The following MGAT5 variants were observed in gnomAD, a reference collection of about 807,000 sequenced individuals.
MGAT5 encodes alpha-1,6-mannosylglycoprotein 6-beta-N-acetylglucosaminyltransferase A.
Under a neutral mutation model 94.3 loss-of-function variants are expected in MGAT5, and 30 were observed. The observed-to-expected ratio is 0.32, with a 90% CI of 0.24 to 0.43. The LOEUF is 0.43. MGAT5 is among the 20% of genes least tolerant of loss of function. MGAT5 has a pLI of 1.00. For synonymous variants in MGAT5, 310 were observed against 322.9 expected (o/e 0.96, Z 0.43); for missense variants, 691 against 905.5 (o/e 0.76, Z 3.04).
At chr2:134,368,147 C>T (rs1395210214) in intron 10 of MGAT5, among the ~76,000 whole-genome samples, 1 of 152,222 alleles carries the variant, frequency 6.6e-6, no homozygotes, top group Non-Finnish European at 1.5e-5. Flanking sequence ...TGCCACTACC[C>T]TGGAGGGAGT....
chr2:134,282,326 T>C (rs967929464), intron 2 of MGAT5, among the ~76,000 whole-genome samples: 2 of 152,138 alleles, frequency 1.3e-5, no homozygotes, highest in Non-Finnish European at 2.9e-5. Flanking sequence ...CACCTGGGGA[T>C]TAATTTAGCA....
chr2:134,412,993 T>C lies in MGAT5; in HGVS notation c.1655T>C (p.Ile552Thr), dbSNP rs1416354675. 6.2e-7 allele frequency: 1 copy of C among 1,614,084 alleles called. No individual in the cohort carries two copies. The highest frequency in any genetic ancestry group is 8.5e-7 in the Non-Finnish European group (1 of 1,180,024). ...PKSSKNTDFF[I>T]GKPTLRELTS... ...AGCAGCAAAAACACAGACTTTTTCA[T>C]TGGCAAGCCAACTCTGAGAGAGGTA... The change falls in exon 12 of 16, where the codon ATT becomes ACT. Residue 552 changes from isoleucine to threonine, a missense_variant. Physicochemically the swap from Ile to Thr is moderately conservative, Grantham distance 89. This residue lies in a region of MGAT5 where 260 missense variants were observed against 347.0 expected (regional missense o/e 0.75). Coordinates refer to ENST00000281923, the MANE Select transcript of MGAT5 (RefSeq NM_002410.5).
intron 12 of MGAT5, among the ~76,000 whole-genome samples, chr2:134,415,582 C>CT (rs1461076450): frequency 6.6e-6 from 1 of 152,178 alleles, no homozygotes; most frequent in Non-Finnish European, 1.5e-5. Flanking sequence ...CCTTTTCACT[C>CT]TATTGATTGT....
chr2:134,406,714 A>G (rs1228455808), intron 11 of MGAT5, among the ~76,000 whole-genome samples: 1 of 149,292 alleles, frequency 6.7e-6, no homozygotes, highest in Non-Finnish European at 1.5e-5. Flanking sequence ...GCAAAACCCC[A>G]TTTCTACAAA....
At position 134,247,359 on chromosome 2, in the gene MGAT5, T is replaced by TAAAAAAAA. The variant is rs34029606; in HGVS notation, c.-142-6895_-142-6888dup. ...TGTGAATAGATACCTGGGCCTGAAT[T>TAAAAAAAA]AAAAAAAAAAAAAAACAAAAAAAAA... On this transcript the variant is annotated intron_variant, in intron 1 of 16. Coordinates refer to the MGAT5 transcript ENST00000409645. Among the ~76,000 whole-genome samples, 10 of 91,496 alleles carry TAAAAAAAA rather than the reference T, an allele frequency of 1.1e-4. 1 individual carries two copies. Among genetic ancestry groups the TAAAAAAAA allele is most frequent in the East Asian group, 2.9e-4 (1 of 3,458 alleles). 60.0% of individuals were successfully genotyped at this position (91,496 alleles called of 152,430 possible).
At chr2:134,401,360 C>T (rs1425094537) in intron 10 of MGAT5, among the ~76,000 whole-genome samples, 2 of 152,266 alleles carry the variant, frequency 1.3e-5, no homozygotes, top group East Asian at 3.9e-4. Flanking sequence ...ATACAGGATT[C>T]TGAGTTCCCA....
intron 1 of MGAT5, among the ~76,000 whole-genome samples, chr2:134,248,920 T>A (rs996745929): frequency 6.6e-6 from 1 of 152,150 alleles, no homozygotes; most frequent in African/African-American, 2.4e-5. Context: ...ACTGGGCTGC[T>A]GCTCAGTGTT....
intron 1 of MGAT5, among the ~76,000 whole-genome samples, chr2:134,138,820 C>G (rs915024146): frequency 4.6e-5 from 7 of 152,158 alleles, no homozygotes; most frequent in African/African-American, 1.7e-4. Context: ...TCATCCAAAT[C>G]AGGATGCTTT....
At chr2:134,251,240 C>T (rs1369812203), upstream of MGAT5, among the ~76,000 whole-genome samples, 2 of 151,466 alleles carry the variant, frequency 1.3e-5, no homozygotes, top group African/African-American at 2.4e-5. Context: ...AGGTGCAGCA[C>T]CTAGTTCGTA....
At chr2:134,415,584 A>G (rs894425728) in intron 12 of MGAT5, among the ~76,000 whole-genome samples, 1 of 152,004 alleles carries the variant, frequency 6.6e-6, no homozygotes, top group African/African-American at 2.4e-5. Flanking sequence ...TTTTCACTCT[A>G]TTGATTGTTT....
Position 134,344,874 on chromosome 2 carries a change from C to A in MGAT5, c.978-56C>A, listed in dbSNP as rs548501611. Reference sequence around the variant, plus strand: ...CCATTAAAGTTGCCAAGTTTATTACCTTTTAAGTAAATGATTTTTCTCTTT... The same window carrying A: ...CCATTAAAGTTGCCAAGTTTATTACATTTTAAGTAAATGATTTTTCTCTTT... On this transcript the variant is annotated intron_variant, in intron 7 of 15. Coordinates refer to ENST00000281923, the MANE Select transcript of MGAT5 (RefSeq NM_002410.5). 46 of 1,584,662 alleles carry A rather than the reference C, an allele frequency of 2.9e-5. 1 individual carries two copies. In the South Asian group the frequency reaches 5.0e-4, roughly 17 times the overall value.
chr2:134,348,237 C>T (rs1365156957), intron 8 of MGAT5, among the ~76,000 whole-genome samples: 1 of 152,176 alleles, frequency 6.6e-6, no homozygotes, highest in Non-Finnish European at 1.5e-5. Context: ...TTTCTTTTTT[C>T]GGGACTGTGG....
At chr2:134,337,077 T>C (rs180973773) in intron 5 of MGAT5, among the ~76,000 whole-genome samples, 17 of 152,288 alleles carry the variant, frequency 1.1e-4, no homozygotes. Context: ...TGAGTTCCAG[T>C]AAAATTTTAT....
chr2:134,364,231 G>A (rs1328889540), intron 10 of MGAT5, among the ~76,000 whole-genome samples: 1 of 152,232 alleles, frequency 6.6e-6, no homozygotes, highest in Non-Finnish European at 1.5e-5. Flanking sequence ...CAGGTGCAGT[G>A]GTGCATGCCT....
In MGAT5 at chr2:134,200,518, A is replaced by T. The variant is rs139363598; in HGVS notation, c.-142-53744A>T. On this transcript the variant is annotated intron_variant, in intron 1 of 16. Transcript: ENST00000409645. ...TGAGCCTCTTTGTCCTTCACTCCCT[A>T]AATGTAATCAGAGAAACCCTATTTG... Among the ~76,000 whole-genome samples the T allele has an allele frequency of 2.4e-3, 360 of 152,302 alleles. 1 individual carries two copies. Among genetic ancestry groups the T allele is most frequent in the Middle Eastern group, 6.8e-3 (2 of 294 alleles).
At chr2:134,401,158 C>T (rs1320036890) in intron 10 of MGAT5, among the ~76,000 whole-genome samples, 1 of 151,944 alleles carries the variant, frequency 6.6e-6, no homozygotes, top group Non-Finnish European at 1.5e-5. Flanking sequence ...GCTCTTGGGT[C>T]CCTCTTATGA....
upstream of MGAT5, among the ~76,000 whole-genome samples, chr2:134,250,767 C>T (rs747193381): frequency 6.6e-6 from 1 of 152,116 alleles, no homozygotes; most frequent in Admixed American, 6.5e-5. Flanking sequence ...CTCTGAACTC[C>T]GCATAGCTAG....
intron 2 of MGAT5, among the ~76,000 whole-genome samples, chr2:134,284,090 G>A (rs2105736506): frequency 6.6e-6 from 1 of 152,284 alleles, no homozygotes; most frequent in Non-Finnish European, 1.5e-5. Flanking sequence ...AGAGATTCAT[G>A]AGCTTTTATA....
In MGAT5 at chr2:134,131,254, C is replaced by T. The variant is rs567710988; in HGVS notation, c.-143+10963C>T. ...TGCCTTTAAGAACCGTCACACTCAC[C>T]GCGAGGGTCCGCGGCTTCATTCTTG... is the stretch of plus-strand genomic sequence containing the variant. On this transcript the variant is annotated intron_variant, in intron 1 of 16. Transcript: ENST00000409645. Among the ~76,000 whole-genome samples, 8 of 152,288 alleles carry T rather than the reference C, an allele frequency of 5.3e-5. No homozygotes were observed. The South Asian group carries it at 6.2e-4, about 12-fold the overall frequency.
Sources: allele counts gnomAD v4.1 joint callset (sites outside exome capture counted in the v4.1 genomes callset), GRCh38; gene constraint gnomAD v4.1.1; regional missense constraint gnomAD v4.1.1; transcripts MANE v1.5; gene names NCBI Gene and HGNC (gene_info 2026-07-23, HGNC 2026-07-21).